HYAL4: variants seen among roughly 807,000 people sequenced by gnomAD.
HYAL4 encodes the protein hyaluronidase 4, also known as hyaluronidase-4.
A neutral mutation model predicts 35.2 loss-of-function variants in HYAL4; 37 were observed. That is an observed-to-expected ratio of 1.05 (90% CI 0.81 to 1.38). The LOEUF (loss-of-function observed/expected upper bound fraction) is 1.38, where lower values mean the gene tolerates loss of function less well. Among genes scored for constraint, HYAL4 ranks in the 40% most tolerant of loss-of-function variants. The probability of loss-of-function intolerance (pLI) is 0.00; values close to 1 mark genes in which losing one functional copy is unlikely to be tolerated. For synonymous variants in HYAL4, 198 were observed against 203.2 expected (o/e 0.97, Z 0.22); for missense variants, 572 against 572.4 (o/e 1.00, Z 0.01).
Position 123,853,845 on chromosome 7 carries a change from T to C in HYAL4, c.-52+5687T>C, listed in dbSNP as rs189958244. Among the ~76,000 whole-genome samples the C allele has an allele frequency of 1.2e-4, 18 of 152,316 alleles. No homozygotes were observed. In the East Asian group the frequency reaches 3.5e-3, roughly 29 times the overall value. On this transcript the variant is annotated intron_variant, in intron 2 of 4. Coordinates refer to ENST00000223026, the MANE Select transcript of HYAL4 (RefSeq NM_012269.3). ...ACCTCTGGTAGAATTCGGATGTGAATCCTTCTGGTCCTGGGCTTTTTTTGG... is the reference window on the plus strand; with the variant it reads ...ACCTCTGGTAGAATTCGGATGTGAACCCTTCTGGTCCTGGGCTTTTTTTGG...
the HYAL4 span, among the ~76,000 whole-genome samples, chr7:123,809,521 G>A: frequency 8.7e-5 from 13 of 149,804 alleles, no homozygotes; most frequent in African/African-American, 2.9e-4. Flanking sequence ...TCAGCCTCCC[G>A]AGTAGCTGGG....
intron 2 of HYAL4, among the ~76,000 whole-genome samples, chr7:123,862,565 G>A (rs1210705837): frequency 6.6e-6 from 1 of 152,048 alleles, no homozygotes; most frequent in Non-Finnish European, 1.5e-5. Context: ...CATCGCACTG[G>A]GTGTTTGAGA....
the HYAL4 span, among the ~76,000 whole-genome samples, chr7:123,772,539 A>G: frequency 6.6e-6 from 1 of 152,214 alleles, no homozygotes; most frequent in Non-Finnish European, 1.5e-5. Context: ...ACAAAATTTC[A>G]AACGTGGAGA....
the HYAL4 span, among the ~76,000 whole-genome samples, chr7:123,789,051 C>T: frequency 6.6e-6 from 1 of 152,168 alleles, no homozygotes; most frequent in Admixed American, 6.5e-5. Flanking sequence ...AGATTGAATT[C>T]TGGAGACTGA....
chr7:123,869,921 C>G (rs961089436), intron 3 of HYAL4, among the ~76,000 whole-genome samples: 1 of 151,516 alleles, frequency 6.6e-6, no homozygotes, highest in African/African-American at 2.4e-5. Context: ...AACTCCTGAC[C>G]TCAGGTGATC....
intron 2 of HYAL4, among the ~76,000 whole-genome samples, chr7:123,867,439 T>C (rs914100036): frequency 2.0e-5 from 3 of 152,174 alleles, no homozygotes; most frequent in Non-Finnish European, 4.4e-5. Flanking sequence ...TGTGATAATC[T>C]GGTAAGTTTC....
rs62472130 is a variant in HYAL4 at position 123,857,883 on chromosome 7, G to A, written c.-52+9725G>A. Among the ~76,000 whole-genome samples, 1,499 of 152,022 alleles carry A rather than the reference G, an allele frequency of 9.9e-3. 10 individuals are homozygous for A. The highest frequency in any genetic ancestry group is 0.019 in the South Asian group (91 of 4,804). ...AGGTGTACTTGAAGTGGAAAACTAGGCTCTTAAATGGAGATATGGAATGTC... is the reference window on the plus strand; with the variant it reads ...AGGTGTACTTGAAGTGGAAAACTAGACTCTTAAATGGAGATATGGAATGTC... On this transcript the variant is annotated intron_variant, in intron 2 of 4. Transcript: ENST00000223026.
intron 2 of HYAL4, among the ~76,000 whole-genome samples, chr7:123,851,362 T>G (rs1806302308): frequency 6.6e-6 from 1 of 152,186 alleles, no homozygotes; most frequent in African/African-American, 2.4e-5. Flanking sequence ...TCATCTACAT[T>G]AGGTATTTCT....
chr7:123,767,043 G>A, the HYAL4 span, among the ~76,000 whole-genome samples: 6 of 152,212 alleles, frequency 3.9e-5, no homozygotes, highest in Admixed American at 1.3e-4. Context: ...GTGCAGCTAT[G>A]TATTTAATTC....
At chr7:123,843,196 C>T (rs1381880678), upstream of HYAL4, among the ~76,000 whole-genome samples, 2 of 151,904 alleles carry the variant, frequency 1.3e-5, no homozygotes, top group Non-Finnish European at 2.9e-5. Flanking sequence ...CAGGCCTGGT[C>T]CTGACAAAAT....
the HYAL4 span, among the ~76,000 whole-genome samples, chr7:123,822,378 A>G: frequency 6.6e-6 from 1 of 152,010 alleles, no homozygotes; most frequent in Non-Finnish European, 1.5e-5. Flanking sequence ...GTTTATTCCT[A>G]AGTATTTTAT....
At position 123,868,253 on chromosome 7, in the gene HYAL4, A is replaced by G. The variant is rs1165521244; in HGVS notation, c.-21A>G. On this transcript the variant is annotated 5_prime_UTR_variant, in exon 3 of 5. Coordinates refer to ENST00000223026, the MANE Select transcript of HYAL4 (RefSeq NM_012269.3). ...CTAGAGTGCACTAAAGCAGAAGATA[A>G]CGTAACATTTTTATCTTACCATGAA... 7.1e-7 allele frequency: 1 copy of G among 1,400,098 alleles called. No homozygotes were observed. The highest frequency in any genetic ancestry group is 1.4e-5 in the African/African-American group (1 of 69,548). The allele number at this position is 1,400,098 out of a possible 1,614,324, so 86.7% of individuals were successfully genotyped here. A position where few individuals can be genotyped will look rare whatever the true frequency, so the allele number is the denominator to read the frequency against.
intron 2 of HYAL4, among the ~76,000 whole-genome samples, chr7:123,851,403 C>T (rs1469278879): frequency 6.6e-6 from 1 of 152,020 alleles, no homozygotes; most frequent in African/African-American, 2.4e-5. Flanking sequence ...AGCCCTCTGC[C>T]CCCTGACAGC....
the HYAL4 span, among the ~76,000 whole-genome samples, chr7:123,775,229 T>G: frequency 6.6e-6 from 1 of 152,164 alleles, no homozygotes; most frequent in Non-Finnish European, 1.5e-5. Flanking sequence ...GGCCAGAAGT[T>G]TGAGACCAGC....
the HYAL4 span, among the ~76,000 whole-genome samples, chr7:123,769,467 C>G: frequency 6.6e-6 from 1 of 152,078 alleles, no homozygotes. Flanking sequence ...CAAGGAAAAC[C>G]TCTGGGGTTA....
chr7:123,835,791 G>A (rs1423719348), intron 1 of HYAL4, among the ~76,000 whole-genome samples: 1 of 151,948 alleles, frequency 6.6e-6, no homozygotes, highest in Non-Finnish European at 1.5e-5. Context: ...ATTGCCATTC[G>A]GTTCAAAAAT....
chr7:123,872,777 C>T (rs1325785258), intron 3 of HYAL4, among the ~76,000 whole-genome samples: 1 of 152,138 alleles, frequency 6.6e-6, no homozygotes, highest in Non-Finnish European at 1.5e-5. Context: ...AACATAGCTG[C>T]TTTGTGATTC....
At chr7:123,771,174 A>G in the HYAL4 span, among the ~76,000 whole-genome samples, 1 of 152,310 alleles carries the variant, frequency 6.6e-6, no homozygotes, top group Non-Finnish European at 1.5e-5. Context: ...TCCTGATATA[A>G]TATCATGGAT....
At chr7:123,794,584 G>C in the HYAL4 span, among the ~76,000 whole-genome samples, 5 of 152,336 alleles carry the variant, frequency 3.3e-5, no homozygotes, top group South Asian at 1.0e-3. Context: ...CCAATGTACA[G>C]CTCAGGCTGT....
Sources: gnomAD v4.1 joint callset for allele counts (sites outside exome capture counted in the v4.1 genomes callset) on GRCh38, gnomAD v4.1.1 for gene constraint, MANE v1.5 for transcripts, NCBI Gene and HGNC (gene_info 2026-07-23, HGNC 2026-07-21) for gene names.